Variants in PRKD1 observed in about 807,000 individuals in gnomAD.
PRKD1 encodes the protein protein kinase D1.
In PRKD1, 63 loss-of-function variants were observed where a neutral mutation model predicts 95.9. That is an observed-to-expected ratio of 0.66 (90% CI 0.54 to 0.81). The LOEUF (loss-of-function observed/expected upper bound fraction) is 0.81, where lower values mean the gene tolerates loss of function less well. PRKD1 is among the 30% of genes least tolerant of loss of function. The probability of loss-of-function intolerance (pLI) is 0.00; values close to 1 mark genes in which losing one functional copy is unlikely to be tolerated. For synonymous variants in PRKD1, 425 were observed against 423.1 expected, an observed-to-expected ratio of 1.00 and a Z score of -0.05; for missense variants, 1,048 against 1,165.3, an observed-to-expected ratio of 0.90 and a Z score of 1.47.
intron 1 of PRKD1, among the ~76,000 whole-genome samples, chr14:29,836,119 C>T (rs998762497): frequency 6.6e-6 from 1 of 152,076 alleles, no homozygotes; most frequent in African/African-American, 2.4e-5. Flanking sequence ...TAAATCAAAA[C>T]AGACTACAGA....
intron 1 of PRKD1, among the ~76,000 whole-genome samples, chr14:29,791,998 A>G (rs1438045598): frequency 1.3e-5 from 2 of 152,134 alleles, no homozygotes; most frequent in Non-Finnish European, 2.9e-5. Context: ...ACTCACCAAC[A>G]TTGGGTACAG....
chr14:29,795,981 T>C (rs1249191722), intron 1 of PRKD1, among the ~76,000 whole-genome samples: 2 of 152,128 alleles, frequency 1.3e-5, no homozygotes, highest in African/African-American at 2.4e-5. Flanking sequence ...AATATATGTA[T>C]TTCTTCTTTA....
intron 1 of PRKD1, among the ~76,000 whole-genome samples, chr14:29,806,447 G>T (rs940304453): frequency 1.3e-5 from 2 of 149,888 alleles, no homozygotes; most frequent in Admixed American, 6.6e-5. Context: ...CCTTCAGGTT[G>T]CAGGAGAAAA....
At chr14:29,875,174 T>C (rs957659135) in intron 1 of PRKD1, among the ~76,000 whole-genome samples, 6 of 152,332 alleles carry the variant, frequency 3.9e-5, no homozygotes, top group Middle Eastern at 3.4e-3. Flanking sequence ...TTAAATTTCC[T>C]AAGCCTTGGT....
chr14:29,624,772 G>C (rs1316642427), intron 12 of PRKD1, among the ~76,000 whole-genome samples: 1 of 152,086 alleles, frequency 6.6e-6, no homozygotes, highest in African/African-American at 2.4e-5. Context: ...AAGGAGGCAT[G>C]TAAAGTATAC....
intron 1 of PRKD1, among the ~76,000 whole-genome samples, chr14:29,756,756 T>A (rs1887718953): frequency 6.6e-6 from 1 of 152,208 alleles, no homozygotes. Context: ...GGAGCCTGCA[T>A]GGTTGCAAAG....
At chr14:29,717,404 C>G (rs772780604) in intron 2 of PRKD1, among the ~76,000 whole-genome samples, 7 of 152,090 alleles carry the variant, frequency 4.6e-5, no homozygotes, top group Non-Finnish European at 7.4e-5. Flanking sequence ...TGTTATTTTA[C>G]AGCAGATGGA....
chr14:29,633,598 GGTGT>G (rs1356360671), intron 8 of PRKD1, among the ~76,000 whole-genome samples: 8 of 152,118 alleles, frequency 5.3e-5, no homozygotes, highest in East Asian at 1.9e-4. Flanking sequence ...AGGATTTTAG[GGTGT>G]GTGTGTATTT....
chr14:29,787,698 T>C (rs1889338680), intron 1 of PRKD1, among the ~76,000 whole-genome samples: 2 of 152,258 alleles, frequency 1.3e-5, no homozygotes, highest in Non-Finnish European at 2.9e-5. Flanking sequence ...TTTCCATGCC[T>C]TCACTTTCAT....
intron 2 of PRKD1, among the ~76,000 whole-genome samples, chr14:29,694,212 C>T (rs562706177): frequency 6.6e-6 from 1 of 152,258 alleles, no homozygotes; most frequent in Non-Finnish European, 1.5e-5. Context: ...CAGGTTCCAA[C>T]TATGCAGAAT....
chr14:29,619,807 A>C (rs1879123472), intron 13 of PRKD1, among the ~76,000 whole-genome samples: 1 of 152,156 alleles, frequency 6.6e-6, no homozygotes, highest in African/African-American at 2.4e-5. Flanking sequence ...TGAGAGACTA[A>C]TGTATCTGAC....
At chr14:29,913,242 T>C (rs2139124657) in intron 1 of PRKD1, among the ~76,000 whole-genome samples, 1 of 152,350 alleles carries the variant, frequency 6.6e-6, no homozygotes, top group East Asian at 1.9e-4. Context: ...TATACATGAT[T>C]TGATGACTCT....
At chr14:29,681,606 C>T (rs1480982386) in intron 2 of PRKD1, among the ~76,000 whole-genome samples, 2 of 152,082 alleles carry the variant, frequency 1.3e-5, no homozygotes, top group African/African-American at 4.8e-5. Context: ...TTAAAATGGC[C>T]TATGAGCAGC....
intron 1 of PRKD1, among the ~76,000 whole-genome samples, chr14:29,747,061 A>G (rs1290229171): frequency 6.6e-6 from 1 of 152,192 alleles, no homozygotes; most frequent in Non-Finnish European, 1.5e-5. Flanking sequence ...TTAAAAATTT[A>G]CAAATCCTTA....
chr14:29,725,248 A>C (rs1886081419), intron 2 of PRKD1, among the ~76,000 whole-genome samples: 1 of 152,128 alleles, frequency 6.6e-6, no homozygotes, highest in Non-Finnish European at 1.5e-5. Context: ...CTGCTGTCCA[A>C]ATGATTCAAG....
chr14:29,727,470 G>A (rs1462861178), intron 1 of PRKD1, among the ~76,000 whole-genome samples: 24 of 151,510 alleles, frequency 1.6e-4, no homozygotes, highest in Admixed American at 5.3e-4. Context: ...GTCCTTGCCC[G>A]TGCCTATGTC....
intron 4 of PRKD1, among the ~76,000 whole-genome samples, chr14:29,645,722 A>C (rs944115105): frequency 1.3e-5 from 2 of 152,004 alleles, no homozygotes; most frequent in African/African-American, 2.4e-5. Context: ...CTAGACACGC[A>C]TAACTGTTAT....
chr14:29,614,018 T>C (rs936532877), intron 13 of PRKD1, among the ~76,000 whole-genome samples: 1 of 152,360 alleles, frequency 6.6e-6, no homozygotes, highest in African/African-American at 2.4e-5. Context: ...CATACTCTTC[T>C]AACACAGATC....
chr14:29,806,117 C>A (rs1890221777), intron 1 of PRKD1, among the ~76,000 whole-genome samples: 1 of 152,114 alleles, frequency 6.6e-6, no homozygotes, highest in Non-Finnish European at 1.5e-5. Flanking sequence ...TCTCATCAAC[C>A]ACTGGAGGAC....
Sources: allele counts gnomAD v4.1 joint callset (sites outside exome capture counted in the v4.1 genomes callset), GRCh38; gene constraint gnomAD v4.1.1; transcripts MANE v1.5; gene names NCBI Gene and HGNC (gene_info 2026-07-23, HGNC 2026-07-21).